The following PAFAH1B2 variants were observed in gnomAD, a reference collection of about 807,000 sequenced individuals.
PAFAH1B2 encodes platelet activating factor acetylhydrolase 1b catalytic subunit 2, also known as platelet-activating factor acetylhydrolase IB subunit alpha2.
In PAFAH1B2, 8 loss-of-function variants were observed where a neutral mutation model predicts 28.0. The ratio of observed to expected loss-of-function variants is 0.29; its 90% CI spans 0.17 to 0.52. The LOEUF (loss-of-function observed/expected upper bound fraction) is 0.52, where lower values mean the gene tolerates loss of function less well. Among genes scored for constraint, PAFAH1B2 ranks in the 20% least tolerant of loss-of-function variants. The probability of loss-of-function intolerance (pLI) is 0.97; values close to 1 mark genes in which losing one functional copy is unlikely to be tolerated. For missense variants in PAFAH1B2, 190 were observed against 282.6 expected (o/e 0.67, Z 2.35); for synonymous variants, 104 against 103.2 (o/e 1.01, Z -0.05).
At chr11:117,160,614 G>A (rs1046425597) in intron 3 of PAFAH1B2, among the ~76,000 whole-genome samples, 1 of 152,052 alleles carries the variant, frequency 6.6e-6, no homozygotes. Flanking sequence ...GTGCCACCAT[G>A]CCTGACTGAT....
chr11:117,172,371 TATATATATATATA>T (rs1956673453), downstream of PAFAH1B2, among the ~76,000 whole-genome samples: 2 of 2,992 alleles, frequency 6.7e-4, no homozygotes, highest in African/African-American at 2.2e-3. Flanking sequence ...TATATATATA[TATATATATATATA>T]TATATATATA....
intron 4 of PAFAH1B2, among the ~76,000 whole-genome samples, chr11:117,162,537 C>T (rs1298767397): frequency 1.4e-5 from 2 of 147,136 alleles, no homozygotes; most frequent in Admixed American, 6.8e-5. Context: ...GGCTGAGGCA[C>T]GCAGATCACT....
rs1465983309 is a variant in PAFAH1B2, at chr11:117,167,296, T to C, written c.412-125T>C. On this transcript the variant is annotated intron_variant, in intron 5 of 5. Coordinates refer to ENST00000527958, the MANE Select transcript of PAFAH1B2 (RefSeq NM_002572.4). Reference sequence around the variant, plus strand: ...TTTCATTCAAAACAGTATTTTCCAATGTTTCACAACTCAAAGGTGTAGAAA... The same window carrying C: ...TTTCATTCAAAACAGTATTTTCCAACGTTTCACAACTCAAAGGTGTAGAAA... 6 of 975,528 alleles carry C rather than the reference T, an allele frequency of 6.2e-6. No individual in the cohort carries two copies. In the East Asian group the frequency reaches 1.4e-4, roughly 23 times the overall value. 60.4% of individuals were successfully genotyped at this position (975,528 alleles called of 1,614,324 possible). A position where few individuals can be genotyped will look rare whatever the true frequency, so the allele number is the denominator to read the frequency against.
chr11:117,167,985 GT>G lies in PAFAH1B2; in HGVS notation c.*290del, dbSNP rs1956550969. The G allele has an allele frequency of 1.8e-6, 2 of 1,087,136 alleles. No individual in the cohort carries two copies. Among genetic ancestry groups the G allele is most frequent in the African/African-American group, 1.6e-5 (1 of 61,734 alleles). The allele number at this position is 1,087,136 out of a possible 1,614,324, so 67.3% of individuals were successfully genotyped here. A position where few individuals can be genotyped will look rare whatever the true frequency, so the allele number is the denominator to read the frequency against. On this transcript the variant is annotated 3_prime_UTR_variant, in exon 6 of 6. Coordinates refer to ENST00000527958, the MANE Select transcript of PAFAH1B2 (RefSeq NM_002572.4). ...ACACATTCATTGAATTATTATCACT[GT>G]TTTCTTGGGACAACATCAAGCCTAA... is the stretch of plus-strand genomic sequence containing the variant.
intron 1 of PAFAH1B2, among the ~76,000 whole-genome samples, chr11:117,149,426 A>G (rs59581820): frequency 0.045 from 2,216 of 49,138 alleles, 52 homozygotes; most frequent in South Asian, 0.11. Flanking sequence ...AAAGTTTTCT[A>G]ATCGTTTTTT....
chr11:117,169,739 G>T lies in PAFAH1B2; in HGVS notation c.*2040G>T, dbSNP rs747508516. Reference sequence around the variant, plus strand: ...AGCCCAGGTTGAGTTTTTCACAAGAGATTTTTTTCTTAGCTGAGGTATAGT... The same window carrying T: ...AGCCCAGGTTGAGTTTTTCACAAGATATTTTTTTCTTAGCTGAGGTATAGT... On this transcript the variant is annotated 3_prime_UTR_variant, in exon 6 of 6. Transcript: ENST00000527958. 3.6e-5 allele frequency: 38 copies of T among 1,057,902 alleles called. No homozygotes were observed. Among genetic ancestry groups the T allele is most frequent in the African/African-American group, 5.0e-5 (3 of 60,586 alleles). The allele number at this position is 1,057,902 out of a possible 1,614,324, so 65.5% of individuals were successfully genotyped here.
intron 3 of PAFAH1B2, 78 bp from the exon 4 acceptor site, chr11:117,161,067 C>G: frequency 1.2e-6 from 1 of 863,982 alleles, no homozygotes; most frequent in East Asian, 2.5e-5. Context: ...GAAATTAATG[C>G]CTTGCAACAC....
At chr11:117,159,911 T>C in intron 2 of PAFAH1B2, 23 bp from the exon 3 acceptor site, 1 of 1,585,248 alleles carries the variant, frequency 6.3e-7, no homozygotes, top group Non-Finnish European at 8.7e-7. Flanking sequence ...GTTAATAATT[T>C]TTTTTTTTCT....
Position 117,167,412 on chromosome 11 carries a change from G to GTGCC in PAFAH1B2, c.412-8_412-5dup. 1 of 1,559,772 alleles carries GTGCC rather than the reference G, an allele frequency of 6.4e-7. No individual in the cohort carries two copies. On this transcript the variant is annotated splice_polypyrimidine_tract_variant and intron_variant, in intron 5 of 5. Coordinates refer to ENST00000527958, the MANE Select transcript of PAFAH1B2 (RefSeq NM_002572.4). Reference sequence around the variant, plus strand: ...ATCTTCTAATTTAATGTTTTCCACTGTGCCCCAGGGTTTGTTACCTCGAGG... The same window carrying GTGCC: ...ATCTTCTAATTTAATGTTTTCCACTGTGCCTGCCCCAGGGTTTGTTACCTCGAGG...
intron 1 of PAFAH1B2, among the ~76,000 whole-genome samples, chr11:117,146,110 CT>C (rs1565257968): frequency 1.9e-5 from 2 of 105,544 alleles, no homozygotes; most frequent in African/African-American, 6.4e-5. Flanking sequence ...CTTGGTCTTT[CT>C]TTCTTTTTTT....
At chr11:117,176,321 A>G (rs954490457) in exon 6 of PAFAH1B2, 1 of 299,674 alleles carries the variant, frequency 3.3e-6, no homozygotes, top group Non-Finnish European at 6.2e-6. Flanking sequence ...TCCACTCACC[A>G]TTTGCCCAGC....
At chr11:117,177,645 C>G (rs753943432), downstream of PAFAH1B2, among the ~76,000 whole-genome samples, 2 of 152,256 alleles carry the variant, frequency 1.3e-5, no homozygotes, top group Non-Finnish European at 2.9e-5. Flanking sequence ...AGCGATTCTC[C>G]TGCTTCAGCC....
At chr11:117,148,653 T>C (rs1251708798) in intron 1 of PAFAH1B2, among the ~76,000 whole-genome samples, 4 of 152,148 alleles carry the variant, frequency 2.6e-5, no homozygotes, top group Non-Finnish European at 5.9e-5. Context: ...CTGGGAGTGG[T>C]AGTGTGTGCC....
intron 1 of PAFAH1B2, 137 bp from the exon 2 acceptor site, chr11:117,152,304 C>T: frequency 3.3e-6 from 2 of 614,670 alleles, no homozygotes; most frequent in Non-Finnish European, 5.8e-6. Context: ...GTAATTGTTT[C>T]TGTTTAGTTT....
rs569896673 is a variant in PAFAH1B2, at chr11:117,169,520, G to A, written c.*1821G>A. 3 of 1,054,700 alleles carry A rather than the reference G, an allele frequency of 2.8e-6. No individual in the cohort carries two copies. The highest frequency in any genetic ancestry group is 5.3e-5 in the East Asian group (1 of 18,798). 65.3% of individuals were successfully genotyped at this position (1,054,700 alleles called of 1,614,324 possible). ...GGGCTTACTGATGCGTGCTAAGACC[G>A]ATTTCTGATTGAGGGATGAACCTTG... is the stretch of plus-strand genomic sequence containing the variant. On this transcript the variant is annotated 3_prime_UTR_variant, in exon 6 of 6. Coordinates refer to ENST00000527958, the MANE Select transcript of PAFAH1B2 (RefSeq NM_002572.4).
At chr11:117,160,737 A>G (rs1308835214) in intron 3 of PAFAH1B2, among the ~76,000 whole-genome samples, 1 of 150,880 alleles carries the variant, frequency 6.6e-6, no homozygotes, top group Non-Finnish European at 1.5e-5. Flanking sequence ...GATTATAGGC[A>G]TGGGCCACTG....
At chr11:117,178,057 C>T (rs1224606142), downstream of PAFAH1B2, among the ~76,000 whole-genome samples, 1 of 152,122 alleles carries the variant, frequency 6.6e-6, no homozygotes, top group Non-Finnish European at 1.5e-5. Context: ...AGGATAGAGT[C>T]CAGAAGTGGA....
At chr11:117,149,588 A>G (rs936308214) in intron 1 of PAFAH1B2, among the ~76,000 whole-genome samples, 7 of 150,180 alleles carry the variant, frequency 4.7e-5, no homozygotes, top group Non-Finnish European at 1.0e-4. Context: ...CACCACGCCC[A>G]GCTAATTTTT....
At chr11:117,150,011 CAAAA>C (rs919925442) in intron 1 of PAFAH1B2, among the ~76,000 whole-genome samples, 2 of 150,480 alleles carry the variant, frequency 1.3e-5, no homozygotes, top group South Asian at 2.1e-4. Flanking sequence ...ACCTCAAAAA[CAAAA>C]AAAAGACCTT....
Sources: gnomAD v4.1 joint callset for allele counts (sites outside exome capture counted in the v4.1 genomes callset) on GRCh38, gnomAD v4.1.1 for gene constraint, MANE v1.5 for transcripts, NCBI Gene and HGNC (gene_info 2026-07-23, HGNC 2026-07-21) for gene names.